Variants in RMND5B observed in about 807,000 individuals in gnomAD.
The protein encoded by RMND5B is E3 ubiquitin-protein transferase RMND5B.
Under a neutral mutation model 50.4 loss-of-function variants are expected in RMND5B, and 42 were observed. The ratio of observed to expected loss-of-function variants is 0.83; its 90% CI spans 0.65 to 1.08. The LOEUF (loss-of-function observed/expected upper bound fraction) is 1.08, where lower values mean the gene tolerates loss of function less well. Ranked by LOEUF, RMND5B falls within the 50% of genes least tolerant of loss-of-function variation. RMND5B has a pLI of 0.00. For synonymous variants in RMND5B, 220 were observed against 210.0 expected (o/e 1.05, Z -0.41); for missense variants, 463 against 508.5 (o/e 0.91, Z 0.86).
At chr5:178,134,948 A>T (rs1389701503) in intron 2 of RMND5B, among the ~76,000 whole-genome samples, 5 of 148,650 alleles carry the variant, frequency 3.4e-5, no homozygotes, top group Non-Finnish European at 3.0e-5. Context: ...ACTGTATTCC[A>T]GCCTGGGCAA....
chr5:178,139,710 ATTTTTTT>A (rs113719288), intron 3 of RMND5B, among the ~76,000 whole-genome samples: 2 of 129,902 alleles, frequency 1.5e-5, no homozygotes, highest in African/African-American at 2.9e-5. Context: ...TGCCTGGCTA[ATTTTTTT>A]TTTTTTTTTT....
intron 2 of RMND5B, among the ~76,000 whole-genome samples, chr5:178,132,942 G>A (rs1581106837): frequency 6.6e-6 from 1 of 151,254 alleles, no homozygotes; most frequent in East Asian, 2.0e-4. Flanking sequence ...TCAGCTCACT[G>A]CAACCTCTGC....
rs1440555143 is a variant in RMND5B, at chr5:178,136,778, T to C, written c.-12-1330T>C. On this transcript the variant is annotated intron_variant, in intron 2 of 10. Transcript: ENST00000313386. ...CAGCTCTGTCACTGACATTCTGAGG[T>C]TTGCCCACGTGTTCAGTGTCAAAGG... Among the ~76,000 whole-genome samples the C allele has an allele frequency of 6.8e-4, 104 of 152,012 alleles. 3 individuals are homozygous for C.
At position 178,138,504 on chromosome 5, in the gene RMND5B, T is replaced by C. The variant is rs1461005553; in HGVS notation, c.139+246T>C. The C allele has an allele frequency of 1.0e-6, 1 of 998,118 alleles. No individual in the cohort carries two copies. Among genetic ancestry groups the C allele is most frequent in the Admixed American group, 4.0e-5 (1 of 24,816 alleles). The allele number at this position is 998,118 out of a possible 1,614,324, so 61.8% of individuals were successfully genotyped here. ...CAACTTACTTTTCTATTTTTAACTT[T>C]TTTTCATTTTATAATTGTGTGTGTG... is the stretch of plus-strand genomic sequence containing the variant. On this transcript the variant is annotated intron_variant, in intron 3 of 10. Coordinates refer to ENST00000313386, the MANE Select transcript of RMND5B (RefSeq NM_022762.5). The surrounding 1 kb of genome is among the most constrained non-coding windows in gnomAD (Gnocchi z 5.1).
In RMND5B at chr5:178,148,019, G is replaced by A. The variant is rs200559247; in HGVS notation, c.1169G>A (p.Arg390His). The change falls in exon 11 of 11, where the codon CGC becomes CAC. Residue 390 changes from arginine (R) to histidine (H), a missense_variant. Transcript: ENST00000313386. The stretch of plus-strand genomic sequence containing the variant: ...GAGCAGAACCCGGCAGATGGGAAAC[G>A]CATCATATTCTGATTCCTACCTGGA... The part of the protein sequence containing the change: ...PMEQNPADGK[R>H]IIF 97 of 1,614,000 alleles carry A rather than the reference G, an allele frequency of 6.0e-5. No homozygotes were observed. In the East Asian group the frequency reaches 7.6e-4, roughly 13 times the overall value.
intron 7 of RMND5B, among the ~76,000 whole-genome samples, chr5:178,145,776 T>C (rs1411422104): frequency 6.6e-6 from 1 of 152,124 alleles, no homozygotes; most frequent in Non-Finnish European, 1.5e-5. Flanking sequence ...TTGCTCTAAA[T>C]GGAGATTAGT....
intron 2 of RMND5B, chr5:178,133,555 C>CGCCA (rs1758449333): frequency 6.6e-6 from 1 of 151,616 alleles, no homozygotes; most frequent in Admixed American, 6.6e-5. Context: ...TACAGGTGCC[C>CGCCA]GCCACCACGC....
At position 178,146,272 on chromosome 5, in the gene RMND5B, A is replaced by G; in HGVS notation, c.853A>G (p.Ser285Gly). 1 of 1,613,996 alleles carries G rather than the reference A, an allele frequency of 6.2e-7. No homozygotes were observed. The highest frequency in any genetic ancestry group is 8.5e-7 in the Non-Finnish European group (1 of 1,179,934). Residue 285 changes from serine (S) to glycine (G), a missense_variant, in exon 8 of 11, where the codon AGC becomes GGC. Physicochemically the swap from Ser to Gly is moderately conservative, Grantham distance 56. Transcript: ENST00000313386. Reference protein sequence around the residue: ...LLGLSVESPLSVSFASGCVAL... With the variant: ...LLGLSVESPLGVSFASGCVAL... ...GGGGCTTTCTGTGGAGTCCCCCCTT[A>G]GCGTCAGGTACAACCCAGCCCTGTG...
At chr5:178,136,803 G>C (rs72817260) in intron 2 of RMND5B, among the ~76,000 whole-genome samples, 11 of 152,270 alleles carry the variant, frequency 7.2e-5, no homozygotes, top group Non-Finnish European at 1.6e-4. Context: ...AGTGTCAAAG[G>C]CTGCTCTGAA....
intron 3 of RMND5B, chr5:178,141,844 C>T (rs1294939722): frequency 6.6e-6 from 1 of 152,226 alleles, no homozygotes; most frequent in Non-Finnish European, 1.5e-5. Context: ...GACTGTCTCT[C>T]CATTTCCTCC....
intron 3 of RMND5B, among the ~76,000 whole-genome samples, chr5:178,140,087 G>A (rs1433601772): frequency 6.6e-6 from 1 of 152,166 alleles, no homozygotes; most frequent in Non-Finnish European, 1.5e-5. Flanking sequence ...CTTAGGTTTT[G>A]CATTTTTGGC....
rs182253574 is a variant in RMND5B at position 178,143,831 on chromosome 5, C to G, written c.527+104C>G. 251 of 1,465,706 alleles carry G rather than the reference C, an allele frequency of 1.7e-4. No homozygotes were observed. In the African/African-American group the frequency reaches 3.1e-3, roughly 18 times the overall value. 90.8% of individuals were successfully genotyped at this position (1,465,706 alleles called of 1,614,324 possible). On this transcript the variant is annotated intron_variant, in intron 6 of 10. Coordinates refer to ENST00000313386, the MANE Select transcript of RMND5B (RefSeq NM_022762.5). The stretch of plus-strand genomic sequence containing the variant: ...CACCCAGATGTACTTGACTTGCCTG[C>G]AGCCCTGTCTCAAGAGCCTCACACA...
Position 178,150,307 on chromosome 5 carries a change from A to G in RMND5B, c.*2275A>G. 1 of 223,608 alleles carries G rather than the reference A, an allele frequency of 4.5e-6. No homozygotes were observed. Among genetic ancestry groups the G allele is most frequent in the South Asian group, 6.0e-5 (1 of 16,712 alleles). 13.9% of individuals were successfully genotyped at this position (223,608 alleles called of 1,614,324 possible). A position where few individuals can be genotyped will look rare whatever the true frequency, so the allele number is the denominator to read the frequency against. ...GTTCTTACCATCAGGCCAAACGGTA[A>G]GTTCCTTCAGAACAGGGCCTCCTGC... is the stretch of plus-strand genomic sequence containing the variant. On this transcript the variant is annotated 3_prime_UTR_variant, in exon 11 of 11. Transcript: ENST00000313386.
Position 178,143,724 on chromosome 5 carries a change from T to G in RMND5B, c.524T>G (p.Leu175Trp). The G allele has an allele frequency of 6.2e-7, 1 of 1,612,458 alleles. No individual in the cohort carries two copies. The highest frequency in any genetic ancestry group is 8.5e-7 in the Non-Finnish European group (1 of 1,178,436). Residue 175 changes from leucine to tryptophan, a missense_variant, in exon 6 of 11, where the codon TTG (leucine) becomes TGG (tryptophan). Transcript: ENST00000313386. ...CACGAACAAGACCTGGGTCCTGCGT[T>G]GGAGTAAGGAGGCCCTTGGGTGGGC... is the stretch of plus-strand genomic sequence containing the variant. ...ALHEQDLGPA[L>W]EWAVSHRQRL...
At chr5:178,139,937 G>A (rs1452740824) in intron 3 of RMND5B, among the ~76,000 whole-genome samples, 2 of 152,076 alleles carry the variant, frequency 1.3e-5, no homozygotes, top group East Asian at 3.8e-4. Flanking sequence ...AGTTTCTCCT[G>A]TCTAATCTTT....
intron 2 of RMND5B, among the ~76,000 whole-genome samples, chr5:178,133,239 C>T (rs1758431481): frequency 6.6e-6 from 1 of 152,158 alleles, no homozygotes; most frequent in Non-Finnish European, 1.5e-5. Flanking sequence ...CACAGGAGCC[C>T]CTTGTTTCAG....
At chr5:178,142,789 G>A in intron 4 of RMND5B, 61 bp downstream of exon 4, 1 of 1,614,238 alleles carries the variant, frequency 6.2e-7, no homozygotes, top group Non-Finnish European at 8.5e-7. Flanking sequence ...GATGTACAAG[G>A]ACTCGAAGGA....
rs1195697109 is a variant in RMND5B, at chr5:178,148,091, T to A, written c.*59T>A. 2 of 1,554,940 alleles carry A rather than the reference T, an allele frequency of 1.3e-6. No homozygotes were observed. Among genetic ancestry groups the A allele is most frequent in the Non-Finnish European group, 1.8e-6 (2 of 1,126,388 alleles). ...TTTCACCTGTGAGCCTTGGTCTGTC[T>A]CGGTAGGGTGGTCAACTTCAGTGGA... On this transcript the variant is annotated 3_prime_UTR_variant, in exon 11 of 11. Coordinates refer to ENST00000313386, the MANE Select transcript of RMND5B (RefSeq NM_022762.5).
chr5:178,138,461 C>G lies in RMND5B; in HGVS notation c.139+203C>G. 1 of 1,307,182 alleles carries G rather than the reference C, an allele frequency of 7.7e-7. No homozygotes were observed. The highest frequency in any genetic ancestry group is 9.9e-7 in the Non-Finnish European group (1 of 1,010,312). The allele number at this position is 1,307,182 out of a possible 1,614,324, so 81.0% of individuals were successfully genotyped here. ...ATTATTAATTTACCTGAGATGATTC[C>G]CATTTACATTTTGTTTTCAACTTAC... On this transcript the variant is annotated intron_variant, in intron 3 of 10. Transcript: ENST00000313386. This position sits in a 1 kb window ranked among gnomAD's most constrained non-coding sequence, Gnocchi z 5.1.
Sources: gnomAD v4.1 joint callset for allele counts (sites outside exome capture counted in the v4.1 genomes callset) on GRCh38, gnomAD v4.1.1 for gene constraint, Gnocchi (gnomAD v3.1) non-coding constraint, MANE v1.5 for transcripts, NCBI Gene and HGNC (gene_info 2026-07-23, HGNC 2026-07-21) for gene names.